CXCL13: variants seen among roughly 807,000 people sequenced by gnomAD.
The protein encoded by CXCL13 is C-X-C motif chemokine 13.
CXCL13 carries 7 observed loss-of-function variants against 12.2 expected under a neutral mutation model. The observed-to-expected ratio is 0.57, with a 90% CI of 0.33 to 1.07. CXCL13 has a LOEUF of 1.07. CXCL13 is among the 50% of genes least tolerant of loss of function. CXCL13 has a pLI of 0.04. For synonymous variants in CXCL13, 47 were observed against 42.4 expected (o/e 1.11, Z -0.42); for missense variants, 113 against 127.4 (o/e 0.89, Z 0.55).
At chr4:77,607,900 A>G (rs1727031202) in intron 2 of CXCL13, 65 bp downstream of exon 2, 9 of 1,490,820 alleles carry the variant, frequency 6.0e-6, no homozygotes, top group Admixed American at 1.7e-5. Context: ...AAATGTTACC[A>G]TACAGTAGTC....
At chr4:77,598,172 T>A (rs1271552833) in intron 1 of CXCL13, among the ~76,000 whole-genome samples, 3 of 152,182 alleles carry the variant, frequency 2.0e-5, no homozygotes, top group Non-Finnish European at 4.4e-5. Flanking sequence ...AGCAAGGGGA[T>A]CCCAGCAACA....
chr4:77,581,697 A>T (rs1726337303), intron 1 of CXCL13, among the ~76,000 whole-genome samples: 1 of 152,160 alleles, frequency 6.6e-6, no homozygotes, highest in Non-Finnish European at 1.5e-5. Flanking sequence ...CTGAGGACAA[A>T]AACCTCCCAA....
chr4:77,605,627 T>C (rs1479156289), upstream of CXCL13, among the ~76,000 whole-genome samples: 2 of 152,232 alleles, frequency 1.3e-5, no homozygotes, highest in African/African-American at 4.8e-5. Context: ...TTATAGTCCA[T>C]GTTTGCAAGA....
At chr4:77,598,790 C>T (rs940140724) in intron 1 of CXCL13, among the ~76,000 whole-genome samples, 1 of 151,836 alleles carries the variant, frequency 6.6e-6, no homozygotes, top group African/African-American at 2.4e-5. Context: ...TATTCATGTC[C>T]CATTTTTGGC....
chr4:77,517,654 T>G (rs1314536900), intron 1 of CXCL13, among the ~76,000 whole-genome samples: 1 of 152,236 alleles, frequency 6.6e-6, no homozygotes, highest in African/African-American at 2.4e-5. Context: ...GTTTTCCATT[T>G]GCTTGGTAGA....
At chr4:77,566,121 A>G (rs1221662994) in intron 1 of CXCL13, among the ~76,000 whole-genome samples, 1 of 152,234 alleles carries the variant, frequency 6.6e-6, no homozygotes, top group Admixed American at 6.5e-5. Flanking sequence ...ATGAAGGCAC[A>G]CCTTCCTATA....
intron 1 of CXCL13, among the ~76,000 whole-genome samples, chr4:77,553,600 T>TG (rs1161753690): frequency 6.6e-6 from 1 of 152,230 alleles, no homozygotes; most frequent in Non-Finnish European, 1.5e-5. Context: ...TCTTGTGTAC[T>TG]GGTGCTTCAC....
intron 1 of CXCL13, among the ~76,000 whole-genome samples, chr4:77,571,532 G>A (rs1254299040): frequency 1.3e-5 from 2 of 151,846 alleles, no homozygotes; most frequent in Admixed American, 6.5e-5. Flanking sequence ...TAGCTGCTCT[G>A]GTGGGGCCTT....
intron 1 of CXCL13, among the ~76,000 whole-genome samples, chr4:77,531,999 C>T (rs891764932): frequency 6.6e-6 from 1 of 152,144 alleles, no homozygotes; most frequent in Non-Finnish European, 1.5e-5. Context: ...ACTCTTTATC[C>T]AATTTGCCAG....
rs539372701 is a variant in CXCL13, at chr4:77,514,562, G to C, written c.-43+2774G>C. ...TGCATTTCTCTGATGGCCAGTGATG[G>C]TGAGCATTTTTTCATGTGTTTTTTG... On this transcript the variant is annotated intron_variant, in intron 1 of 4. Coordinates refer to the CXCL13 transcript ENST00000286758. 3.3e-4 allele frequency among the ~76,000 whole-genome samples: 49 copies of C among 146,666 alleles called. No individual in the cohort carries two copies. In the Middle Eastern group the frequency reaches 0.014, roughly 42 times the overall value.
chr4:77,549,980 G>T (rs553645609), intron 1 of CXCL13, among the ~76,000 whole-genome samples: 1 of 152,324 alleles, frequency 6.6e-6, no homozygotes, highest in African/African-American at 2.4e-5. Context: ...ACCTCCTTGA[G>T]CTGTGGTGGG....
chr4:77,569,547 A>G, intron 1 of CXCL13, among the ~76,000 whole-genome samples: 1 of 152,124 alleles, frequency 6.6e-6, no homozygotes. Context: ...CACACACAGT[A>G]CCTAGGAATA....
chr4:77,526,537 A>G (rs539156740), intron 1 of CXCL13, among the ~76,000 whole-genome samples: 304 of 152,214 alleles, frequency 2.0e-3, no homozygotes, highest in Admixed American at 3.3e-3. Flanking sequence ...GGTAATTTCA[A>G]ATCTACATGA....
chr4:77,605,795 T>C (rs144898428), upstream of CXCL13: 6,399 of 895,764 alleles, frequency 7.1e-3, 52 homozygotes, highest in Non-Finnish European at 6.7e-3. Flanking sequence ...TATAAATAAA[T>C]AGGAGTCTCT....
At chr4:77,560,525 C>T (rs868014718) in intron 1 of CXCL13, among the ~76,000 whole-genome samples, 57 of 152,138 alleles carry the variant, frequency 3.7e-4, no homozygotes, top group Admixed American at 2.2e-3. Flanking sequence ...TATACATTCC[C>T]ACTGTGTTCA....
chr4:77,606,548 G>C (rs967756280), intron 1 of CXCL13, among the ~76,000 whole-genome samples: 3 of 152,150 alleles, frequency 2.0e-5, no homozygotes, highest in African/African-American at 7.2e-5. Flanking sequence ...GATTTAGAAG[G>C]CCAAATTTTT....
chr4:77,601,172 A>G (rs1726874833), upstream of CXCL13, among the ~76,000 whole-genome samples: 1 of 152,242 alleles, frequency 6.6e-6, no homozygotes, highest in South Asian at 2.1e-4. Context: ...TTTAAACAAC[A>G]CTTGAAATAT....
At chr4:77,534,308 G>C (rs570237588) in intron 1 of CXCL13, among the ~76,000 whole-genome samples, 1 of 152,268 alleles carries the variant, frequency 6.6e-6, no homozygotes, top group Non-Finnish European at 1.5e-5. Flanking sequence ...GTTTCTAATA[G>C]CTTCATTTGT....
chr4:77,513,322 G>A (rs1157269460), intron 1 of CXCL13, among the ~76,000 whole-genome samples: 1 of 152,096 alleles, frequency 6.6e-6, no homozygotes, highest in Non-Finnish European at 1.5e-5. Context: ...GGGTCTAATG[G>A]TATTTCTAGT....
Sources: gnomAD v4.1 joint callset for allele counts (sites outside exome capture counted in the v4.1 genomes callset) on GRCh38, gnomAD v4.1.1 for gene constraint, MANE v1.5 for transcripts, NCBI Gene and HGNC (gene_info 2026-07-23, HGNC 2026-07-21) for gene names.